CLVS2: variants seen among roughly 807,000 people sequenced by gnomAD.
The protein encoded by CLVS2 is clavesin-2.
A neutral mutation model predicts 29.0 loss-of-function variants in CLVS2; 19 were observed. The observed-to-expected ratio is 0.66, with a 90% CI of 0.46 to 0.96. The LOEUF (loss-of-function observed/expected upper bound fraction) is 0.96, where lower values mean the gene tolerates loss of function less well. CLVS2 is among the 40% of genes least tolerant of loss of function. CLVS2 has a pLI of 0.00. For missense variants in CLVS2, 294 were observed against 404.1 expected, an observed-to-expected ratio of 0.73 and a Z score of 2.34; for synonymous variants, 161 against 151.3, an observed-to-expected ratio of 1.06 and a Z score of -0.47.
At chr6:123,047,769 A>G (rs948565496) in intron 3 of CLVS2, among the ~76,000 whole-genome samples, 1 of 151,940 alleles carries the variant, frequency 6.6e-6, no homozygotes, top group Non-Finnish European at 1.5e-5. Context: ...TTTAAAGAAG[A>G]CCTTTGTAGT....
At chr6:123,008,086 T>C (rs913919032) in intron 2 of CLVS2, among the ~76,000 whole-genome samples, 2 of 152,196 alleles carry the variant, frequency 1.3e-5, no homozygotes, top group Admixed American at 6.6e-5. Context: ...CCTGCTGAGC[T>C]GCTAATGGTA....
intron 2 of CLVS2, among the ~76,000 whole-genome samples, chr6:122,999,267 T>C (rs1448142222): frequency 2.6e-5 from 4 of 152,184 alleles, no homozygotes; most frequent in African/African-American, 9.6e-5. Flanking sequence ...TTATGGATCA[T>C]AGAGATTTCC....
At position 123,016,490 on chromosome 6, in the gene CLVS2, A is replaced by G. The variant is rs573654090; in HGVS notation, c.564+5331A>G. On this transcript the variant is annotated intron_variant, in intron 3 of 5. Coordinates refer to ENST00000275162, the MANE Select transcript of CLVS2 (RefSeq NM_001010852.4). Reference sequence around the variant, plus strand: ...CTAGCCCTACCCTGCTGCCCTTGAGACATATTTATGTTTTTCTCCCTTGCC... The same window carrying G: ...CTAGCCCTACCCTGCTGCCCTTGAGGCATATTTATGTTTTTCTCCCTTGCC... 3.3e-5 allele frequency among the ~76,000 whole-genome samples: 5 copies of G among 151,876 alleles called. No individual in the cohort carries two copies. The East Asian group carries it at 9.7e-4, about 30-fold the overall frequency.
intron 4 of CLVS2, among the ~76,000 whole-genome samples, chr6:123,050,327 G>A (rs2114356884): frequency 6.6e-6 from 1 of 152,278 alleles, no homozygotes; most frequent in Non-Finnish European, 1.5e-5. Flanking sequence ...TGCTTATACA[G>A]TATTCACTCA....
chr6:123,025,397 G>A (rs751168293), intron 3 of CLVS2, among the ~76,000 whole-genome samples: 1 of 152,076 alleles, frequency 6.6e-6, no homozygotes, highest in Non-Finnish European at 1.5e-5. Flanking sequence ...TAAGAAGGAA[G>A]TGCTTTGAGA....
intron 3 of CLVS2, among the ~76,000 whole-genome samples, chr6:123,024,081 A>G (rs915475954): frequency 6.6e-6 from 1 of 152,146 alleles, no homozygotes; most frequent in African/African-American, 2.4e-5. Flanking sequence ...AATCAGCCAA[A>G]CCTGGCACAT....
At chr6:123,040,601 T>G (rs1466213085) in intron 3 of CLVS2, among the ~76,000 whole-genome samples, 2 of 152,142 alleles carry the variant, frequency 1.3e-5, no homozygotes, top group African/African-American at 4.8e-5. Context: ...AAGACCAGCC[T>G]GGCCAAGATG....
intron 3 of CLVS2, among the ~76,000 whole-genome samples, chr6:123,032,642 G>A (rs549675507): frequency 6.6e-6 from 1 of 152,134 alleles, no homozygotes; most frequent in East Asian, 1.9e-4. Flanking sequence ...AATGCTGCAT[G>A]GCTATAGGAG....
chr6:123,068,515 A>G lies in CLVS2; in HGVS notation c.*4754A>G, dbSNP rs1772895696. On this transcript the variant is annotated 3_prime_UTR_variant, in exon 6 of 6. Transcript: ENST00000275162. ...AATGAATTTTAATTCATTTACTTTT[A>G]ACAGAGATACAAAGCACTGTCTTGT... The G allele has an allele frequency of 6.6e-6, 1 of 151,728 alleles. No homozygotes were observed. The highest frequency in any genetic ancestry group is 2.1e-4 in the South Asian group (1 of 4,828). The allele number at this position is 151,728 out of a possible 1,614,324, so 9.4% of individuals were successfully genotyped here.
chr6:123,063,669 T>C lies in CLVS2; in HGVS notation c.897-5T>C. 1 of 1,591,032 alleles carries C rather than the reference T, an allele frequency of 6.3e-7. No homozygotes were observed. The highest frequency in any genetic ancestry group is 8.6e-7 in the Non-Finnish European group (1 of 1,161,386). ...ACTCACTGACGTTGGCTTTATCCTT[T>C]CCAGATCTCAATCAGTAGTGGATCC... On this transcript the variant is annotated splice_polypyrimidine_tract_variant and splice_region_variant and intron_variant, in intron 5 of 5. Transcript: ENST00000275162.
chr6:123,057,946 TGAATG>T (rs1772719269), intron 5 of CLVS2, among the ~76,000 whole-genome samples: 1 of 152,192 alleles, frequency 6.6e-6, no homozygotes, highest in Admixed American at 6.6e-5. Context: ...TGCGTAAGTA[TGAATG>T]TACTATATGT....
rs1034324617 is a variant in CLVS2 at position 123,069,637 on chromosome 6, G to C, written c.*5876G>C. Reference sequence around the variant, plus strand: ...CAGGCCAGGAGAAGCCACATTTCCAGCAGTAGTATCCTCAGTGGGAATGAA... The same window carrying C: ...CAGGCCAGGAGAAGCCACATTTCCACCAGTAGTATCCTCAGTGGGAATGAA... On this transcript the variant is annotated 3_prime_UTR_variant, in exon 6 of 6. Transcript: ENST00000275162. The C allele has an allele frequency of 2.0e-5, 3 of 151,792 alleles. No individual in the cohort carries two copies. Among genetic ancestry groups the C allele is most frequent in the Non-Finnish European group, 4.4e-5 (3 of 67,870 alleles). The allele number at this position is 151,792 out of a possible 1,614,324, so 9.4% of individuals were successfully genotyped here.
At chr6:123,060,904 T>A (rs1203219318) in intron 5 of CLVS2, among the ~76,000 whole-genome samples, 1 of 152,270 alleles carries the variant, frequency 6.6e-6, no homozygotes, top group East Asian at 1.9e-4. Context: ...CTATGTATTG[T>A]AGATGCATGA....
chr6:123,070,481 A>G lies in CLVS2; in HGVS notation c.*6720A>G, dbSNP rs1041647581. ...TCTGGAATATTTTAATAATCTAAAA[A>G]CTAGTCTTCTTGCTTCCAGAGTCAA... On this transcript the variant is annotated 3_prime_UTR_variant, in exon 6 of 6. Coordinates refer to ENST00000275162, the MANE Select transcript of CLVS2 (RefSeq NM_001010852.4). The G allele has an allele frequency of 6.6e-6, 1 of 151,950 alleles. No homozygotes were observed. The highest frequency in any genetic ancestry group is 1.5e-5 in the Non-Finnish European group (1 of 67,922). 9.4% of individuals were successfully genotyped at this position (151,950 alleles called of 1,614,324 possible). A position where few individuals can be genotyped will look rare whatever the true frequency, so the allele number is the denominator to read the frequency against.
At chr6:123,027,579 G>T (rs1000357550) in intron 3 of CLVS2, among the ~76,000 whole-genome samples, 1 of 152,090 alleles carries the variant, frequency 6.6e-6, no homozygotes, top group Non-Finnish European at 1.5e-5. Flanking sequence ...CCTGTGCATG[G>T]TGATTACAAC....
At chr6:123,016,594 A>G (rs1774838055) in intron 3 of CLVS2, among the ~76,000 whole-genome samples, 1 of 152,038 alleles carries the variant, frequency 6.6e-6, no homozygotes, top group South Asian at 2.1e-4. Flanking sequence ...ATAAGTACAT[A>G]ATGTAGTCAA....
chr6:123,059,334 TTTTG>T (rs1291658843), intron 5 of CLVS2, among the ~76,000 whole-genome samples: 2 of 152,216 alleles, frequency 1.3e-5, no homozygotes, highest in African/African-American at 4.8e-5. Flanking sequence ...AAATTGCTGA[TTTTG>T]TTTAATTTTA....
intron 3 of CLVS2, among the ~76,000 whole-genome samples, chr6:123,012,512 C>A (rs1774764146): frequency 6.6e-6 from 1 of 151,644 alleles, no homozygotes; most frequent in Non-Finnish European, 1.5e-5. Flanking sequence ...AAAAAAAACA[C>A]TTCAAGAATA....
intron 3 of CLVS2, among the ~76,000 whole-genome samples, chr6:123,032,862 T>C (rs1233930244): frequency 6.6e-6 from 1 of 152,140 alleles, no homozygotes; most frequent in Non-Finnish European, 1.5e-5. Flanking sequence ...TTTCTTCAGG[T>C]ATGAAATTAA....
Sources: gnomAD v4.1 joint callset for allele counts (sites outside exome capture counted in the v4.1 genomes callset) on GRCh38, gnomAD v4.1.1 for gene constraint, MANE v1.5 for transcripts, NCBI Gene and HGNC (gene_info 2026-07-23, HGNC 2026-07-21) for gene names.